CSMD3: variants seen among roughly 807,000 people sequenced by gnomAD.
CSMD3 encodes the protein CUB and sushi domain-containing protein 3.
A neutral mutation model predicts 435.2 loss-of-function variants in CSMD3; 177 were observed. That is an observed-to-expected ratio of 0.41 (90% CI 0.36 to 0.46). The LOEUF is 0.46. CSMD3 is among the 20% of genes least tolerant of loss of function. The probability of loss-of-function intolerance (pLI) is 0.34; values close to 1 mark genes in which losing one functional copy is unlikely to be tolerated. For missense variants in CSMD3, 4,265 were observed against 4,504.6 expected (o/e 0.95, Z 1.52); for synonymous variants, 1,656 against 1,520.5 (o/e 1.09, Z -2.07).
intron 19 of CSMD3, among the ~76,000 whole-genome samples, chr8:112,649,114 G>A (rs745963731): frequency 7.2e-5 from 11 of 152,198 alleles, no homozygotes; most frequent in Admixed American, 3.3e-4. Context: ...AGAGAATTAT[G>A]TGAATACACA....
chr8:113,186,974 G>C (rs1157855218), intron 3 of CSMD3, among the ~76,000 whole-genome samples: 1 of 151,870 alleles, frequency 6.6e-6, no homozygotes, highest in Non-Finnish European at 1.5e-5. Context: ...AATATAACTG[G>C]TTCCCATTGG....
intron 1 of CSMD3, among the ~76,000 whole-genome samples, chr8:113,374,796 T>G (rs1270104003): frequency 2.3e-5 from 3 of 127,700 alleles, no homozygotes; most frequent in African/African-American, 9.2e-5. Context: ...TACACTGCCA[T>G]ATGCACCTTG....
chr8:113,230,377 G>A (rs2093071854), intron 3 of CSMD3, among the ~76,000 whole-genome samples: 1 of 151,396 alleles, frequency 6.6e-6, no homozygotes, highest in Non-Finnish European at 1.5e-5. Flanking sequence ...TAATTTTTAT[G>A]TTGCCTTTCT....
At chr8:112,399,414 C>T (rs1380884272) in intron 35 of CSMD3, among the ~76,000 whole-genome samples, 1 of 152,026 alleles carries the variant, frequency 6.6e-6, no homozygotes, top group Non-Finnish European at 1.5e-5. Flanking sequence ...GTGTGTGCCA[C>T]CACACCCAGT....
At chr8:113,182,291 C>G (rs1349056119) in intron 3 of CSMD3, among the ~76,000 whole-genome samples, 5 of 151,874 alleles carry the variant, frequency 3.3e-5, no homozygotes, top group African/African-American at 1.2e-4. Context: ...GGAGAGGATT[C>G]AGAAGAGTCA....
intron 9 of CSMD3, among the ~76,000 whole-genome samples, chr8:112,934,845 GT>G (rs1378285587): frequency 3.3e-5 from 5 of 152,034 alleles, no homozygotes; most frequent in African/African-American, 1.2e-4. Context: ...GTGTGCAAAT[GT>G]TTTCTTCCAT....
chr8:113,319,341 G>T (rs1395511598), intron 1 of CSMD3, among the ~76,000 whole-genome samples: 1 of 151,564 alleles, frequency 6.6e-6, no homozygotes, highest in East Asian at 1.9e-4. Context: ...ATACCTTTTT[G>T]CCATTTTATA....
intron 54 of CSMD3, among the ~76,000 whole-genome samples, chr8:112,292,932 T>G (rs112584983): frequency 6.6e-6 from 1 of 152,138 alleles, no homozygotes; most frequent in Non-Finnish European, 1.5e-5. Flanking sequence ...AGAAAATTAT[T>G]TAAAATTGTG....
At chr8:113,126,178 G>A (rs560810012) in intron 4 of CSMD3, among the ~76,000 whole-genome samples, 31 of 151,938 alleles carry the variant, frequency 2.0e-4, no homozygotes, top group African/African-American at 7.5e-4. Flanking sequence ...ATGAAATCTA[G>A]TGATGTTAAA....
At chr8:113,050,351 G>A (rs1265675937) in intron 5 of CSMD3, among the ~76,000 whole-genome samples, 1 of 151,946 alleles carries the variant, frequency 6.6e-6, no homozygotes, top group Non-Finnish European at 1.5e-5. Context: ...CATTTAAGAT[G>A]CTCAGATATA....
rs553257721 is a variant in CSMD3, at chr8:112,874,568, T to A, written c.1634-15302A>T. 2.0e-5 allele frequency among the ~76,000 whole-genome samples: 3 copies of A among 152,276 alleles called. No homozygotes were observed. The East Asian group carries it at 5.8e-4, about 29-fold the overall frequency. ...TTGTAGGGTCTCTAAGAACTTGTTT[T>A]ATGAATCTGAGTTCTCCTGTATTGG... On this transcript the variant is annotated intron_variant, in intron 10 of 70. Transcript: ENST00000297405.
chr8:113,325,570 T>TA (rs1173636182), intron 1 of CSMD3, among the ~76,000 whole-genome samples: 1 of 152,206 alleles, frequency 6.6e-6, no homozygotes, highest in African/African-American at 2.4e-5. Context: ...GGTATGTCTT[T>TA]ATCAGCAGGA....
intron 10 of CSMD3, among the ~76,000 whole-genome samples, chr8:112,878,855 A>G (rs996028333): frequency 1.3e-5 from 2 of 152,114 alleles, no homozygotes; most frequent in Non-Finnish European, 2.9e-5. Context: ...ATGGACATTT[A>G]TTAGTTCCCC....
At chr8:113,135,327 TAC>T (rs2091390491) in intron 4 of CSMD3, among the ~76,000 whole-genome samples, 1 of 151,884 alleles carries the variant, frequency 6.6e-6, no homozygotes, top group South Asian at 2.1e-4. Flanking sequence ...TAAAAATAAA[TAC>T]AGACAATTTA....
At position 112,863,331 on chromosome 8, in the gene CSMD3, A is replaced by T. The variant is rs988583530; in HGVS notation, c.1634-4065T>A. 3.3e-5 allele frequency among the ~76,000 whole-genome samples: 5 copies of T among 151,908 alleles called. No individual in the cohort carries two copies. The East Asian group carries it at 9.7e-4, about 29-fold the overall frequency. Reference sequence around the variant, plus strand: ...TAATAGTTTTATTATATTATAATTAAACTTCTTCTACAAATTGGTTTCATA... The same window carrying T: ...TAATAGTTTTATTATATTATAATTATACTTCTTCTACAAATTGGTTTCATA... On this transcript the variant is annotated intron_variant, in intron 10 of 70. Coordinates refer to ENST00000297405, the MANE Select transcript of CSMD3 (RefSeq NM_198123.2).
At chr8:112,449,438 A>G (rs1006226565) in intron 32 of CSMD3, among the ~76,000 whole-genome samples, 2 of 152,030 alleles carry the variant, frequency 1.3e-5, no homozygotes, top group African/African-American at 4.8e-5. Flanking sequence ...GGGCAGGGTA[A>G]GGAGCATTGA....
intron 9 of CSMD3, among the ~76,000 whole-genome samples, chr8:112,935,214 A>G (rs1272970848): frequency 1.3e-5 from 2 of 151,996 alleles, no homozygotes; most frequent in African/African-American, 2.4e-5. Context: ...CTTTAAATGC[A>G]TGAGTTTTTG....
chr8:112,801,440 G>T (rs1008998115), intron 12 of CSMD3, among the ~76,000 whole-genome samples: 2 of 151,898 alleles, frequency 1.3e-5, no homozygotes, highest in Non-Finnish European at 2.9e-5. Context: ...AAGAAACTTG[G>T]TAAACTACTA....
chr8:112,761,146 A>G (rs2077828120), intron 13 of CSMD3, among the ~76,000 whole-genome samples: 1 of 152,116 alleles, frequency 6.6e-6, no homozygotes, highest in Non-Finnish European at 1.5e-5. Flanking sequence ...TTTATTTACT[A>G]ACATAGAGCC....
Sources: allele counts gnomAD v4.1 joint callset (sites outside exome capture counted in the v4.1 genomes callset), GRCh38; gene constraint gnomAD v4.1.1; transcripts MANE v1.5; gene names NCBI Gene and HGNC (gene_info 2026-07-23, HGNC 2026-07-21).